CACNA2D3: variants seen among roughly 807,000 people sequenced by gnomAD.
The protein encoded by CACNA2D3 is voltage-dependent calcium channel subunit alpha-2/delta-3.
CACNA2D3 carries 60 observed loss-of-function variants against 160.6 expected under a neutral mutation model. That is an observed-to-expected ratio of 0.37 (90% CI 0.30 to 0.46). CACNA2D3 has a LOEUF of 0.46. Among genes scored for constraint, CACNA2D3 ranks in the 20% least tolerant of loss-of-function variants. The pLI is 1.00. For synonymous variants in CACNA2D3, 558 were observed against 492.9 expected, an observed-to-expected ratio of 1.13 and a Z score of -1.75; for missense variants, 1,205 against 1,365.0, an observed-to-expected ratio of 0.88 and a Z score of 1.85.
At chr3:54,316,714 G>A (rs555975096) in intron 2 of CACNA2D3, among the ~76,000 whole-genome samples, 2 of 152,172 alleles carry the variant, frequency 1.3e-5, no homozygotes, top group East Asian at 1.9e-4. Flanking sequence ...ACAACCTGCC[G>A]TAAAGCCAGG....
intron 4 of CACNA2D3, among the ~76,000 whole-genome samples, chr3:54,459,623 G>GT (rs1159728061): frequency 1.3e-5 from 2 of 151,856 alleles, no homozygotes; most frequent in Admixed American, 1.3e-4. Flanking sequence ...GGGGTTGTTT[G>GT]TTTTTTTCTT....
At chr3:54,408,336 A>C (rs140775787) in intron 4 of CACNA2D3, among the ~76,000 whole-genome samples, 1 of 152,248 alleles carries the variant, frequency 6.6e-6, no homozygotes, top group Non-Finnish European at 1.5e-5. Flanking sequence ...ATTTTCCACA[A>C]ATGCAAAATT....
At chr3:54,451,895 A>T (rs544524564) in intron 4 of CACNA2D3, among the ~76,000 whole-genome samples, 1 of 152,040 alleles carries the variant, frequency 6.6e-6, no homozygotes, top group South Asian at 2.1e-4. Flanking sequence ...ATTTTATACC[A>T]CTCTGTATCT....
chr3:54,588,212 C>T (rs546253875), intron 9 of CACNA2D3, among the ~76,000 whole-genome samples: 7 of 152,304 alleles, frequency 4.6e-5, no homozygotes, highest in East Asian at 1.9e-4. Context: ...AATGACAACT[C>T]ATATGATCAT....
chr3:55,015,303 G>C (rs1703305108), intron 34 of CACNA2D3, among the ~76,000 whole-genome samples: 1 of 152,188 alleles, frequency 6.6e-6, no homozygotes, highest in Non-Finnish European at 1.5e-5. Context: ...CTCAGTGGAT[G>C]AATTTGGGCA....
chr3:54,697,387 C>T (rs747376102), intron 11 of CACNA2D3, among the ~76,000 whole-genome samples: 4 of 152,178 alleles, frequency 2.6e-5, no homozygotes, highest in Non-Finnish European at 4.4e-5. Context: ...CAAGGTGACT[C>T]TTATCCACAG....
At chr3:54,263,890 C>CTGTG (rs1443242828) in intron 2 of CACNA2D3, among the ~76,000 whole-genome samples, 2 of 152,080 alleles carry the variant, frequency 1.3e-5, no homozygotes, top group African/African-American at 4.8e-5. Flanking sequence ...GGTCTTTGGC[C>CTGTG]TGTGTTTTCT....
chr3:54,753,687 T>C (rs1305539325), intron 12 of CACNA2D3, among the ~76,000 whole-genome samples: 1 of 152,248 alleles, frequency 6.6e-6, no homozygotes. Flanking sequence ...TTAACTTGCC[T>C]CAATGTTCTA....
At chr3:54,685,028 C>G (rs533917635) in intron 11 of CACNA2D3, among the ~76,000 whole-genome samples, 109 of 152,300 alleles carry the variant, frequency 7.2e-4, no homozygotes, top group Non-Finnish European at 1.2e-3. Context: ...ACCTTACAAT[C>G]TATCAACTCC....
At chr3:54,223,193 C>T (rs1001392632) in intron 2 of CACNA2D3, among the ~76,000 whole-genome samples, 4 of 152,128 alleles carry the variant, frequency 2.6e-5, no homozygotes, top group Non-Finnish European at 2.9e-5. Context: ...AGAATTGTGT[C>T]GTTAGGTGAT....
At position 54,412,118 on chromosome 3, in the gene CACNA2D3, G is replaced by T. The variant is rs192239701; in HGVS notation, c.381+25344G>T. 4.3e-3 allele frequency among the ~76,000 whole-genome samples: 660 copies of T among 152,094 alleles called. 3 individuals carry two copies. Among genetic ancestry groups the T allele is most frequent in the Non-Finnish European group, 7.3e-3 (498 of 67,934 alleles). ...GTATAGTACGTAGTCTTTTGTGTCT[G>T]GTTTCTTTTATTGATCATAATGTCT... On this transcript the variant is annotated intron_variant, in intron 4 of 37. Transcript: ENST00000474759.
At chr3:54,202,962 G>C (rs1017108752) in intron 2 of CACNA2D3, among the ~76,000 whole-genome samples, 4 of 152,178 alleles carry the variant, frequency 2.6e-5, no homozygotes, top group African/African-American at 9.7e-5. Flanking sequence ...AGGGTTGGGA[G>C]GATTTTTCTC....
chr3:54,998,746 T>A (rs942898855), intron 31 of CACNA2D3, among the ~76,000 whole-genome samples: 7 of 151,530 alleles, frequency 4.6e-5, no homozygotes, highest in African/African-American at 1.7e-4. Flanking sequence ...TTGTTTTGTT[T>A]TGTTTTGTTT....
chr3:55,068,089 G>A (rs1159876894), intron 35 of CACNA2D3, among the ~76,000 whole-genome samples: 1 of 152,152 alleles, frequency 6.6e-6, no homozygotes, highest in Non-Finnish European at 1.5e-5. Flanking sequence ...GTAGCGAGGA[G>A]GACCACACTT....
chr3:54,811,218 G>T (rs1703302311), intron 13 of CACNA2D3, among the ~76,000 whole-genome samples: 1 of 152,122 alleles, frequency 6.6e-6, no homozygotes, highest in Admixed American at 6.5e-5. Flanking sequence ...ACAAAACTGA[G>T]CTCTTAGTGT....
intron 3 of CACNA2D3, among the ~76,000 whole-genome samples, chr3:54,344,586 C>G (rs1002171776): frequency 2.0e-5 from 3 of 152,172 alleles, no homozygotes; most frequent in Non-Finnish European, 2.9e-5. Context: ...TGGAGACAGA[C>G]TCACAGGACC....
In CACNA2D3 at chr3:54,968,457, C is replaced by G; in HGVS notation, c.2457C>G (p.Gly819=). Residue 819 remains glycine, a synonymous_variant, in exon 28 of 38, where the codon GGC becomes GGG. Transcript: ENST00000474759. ...ERKSPVVAAV[G]IQMKLEFFQR... ...ATTTATAATTTGTCCCAGCTGTAGG[C>G]ATTCAGATGAAACTTGAATTTTTCC... 6.2e-7 allele frequency: 1 copy of G among 1,605,578 alleles called. No homozygotes were observed. The highest frequency in any genetic ancestry group is 8.5e-7 in the Non-Finnish European group (1 of 1,174,370).
At chr3:54,619,902 C>A (rs1698945475) in intron 9 of CACNA2D3, among the ~76,000 whole-genome samples, 1 of 152,170 alleles carries the variant, frequency 6.6e-6, no homozygotes, top group African/African-American at 2.4e-5. Context: ...ATATGAGAGA[C>A]TCATCCCAGG....
Position 54,830,133 on chromosome 3 carries a change from C to T in CACNA2D3, c.1399-7026C>T, listed in dbSNP as rs1261559334. The stretch of plus-strand genomic sequence containing the variant: ...TAATTTTTTGTATTTTTAGTAGAGA[C>T]GGGATTTCACCATCTTGGCCAGGCT... On this transcript the variant is annotated intron_variant, in intron 14 of 37. Coordinates refer to ENST00000474759, the MANE Select transcript of CACNA2D3 (RefSeq NM_018398.3). Among the ~76,000 whole-genome samples the T allele has an allele frequency of 7.9e-5, 12 of 151,976 alleles. No individual in the cohort carries two copies. In the South Asian group the frequency reaches 1.7e-3, roughly 21 times the overall value.
Sources: gnomAD v4.1 joint callset for allele counts (sites outside exome capture counted in the v4.1 genomes callset) on GRCh38, gnomAD v4.1.1 for gene constraint, MANE v1.5 for transcripts, NCBI Gene and HGNC (gene_info 2026-07-23, HGNC 2026-07-21) for gene names.